The following KANK1 variants were observed in gnomAD, a reference collection of about 807,000 sequenced individuals.
KANK1 encodes KN motif and ankyrin repeat domain-containing protein 1.
In KANK1, 109 loss-of-function variants were observed where a neutral mutation model predicts 106.2. The observed-to-expected ratio is 1.03, with a 90% CI of 0.88 to 1.20. The LOEUF is 1.20. KANK1 is among the 50% of genes most tolerant of loss of function. The pLI is 0.00. For missense variants in KANK1, 2,399 were observed against 1,710.7 expected, an observed-to-expected ratio of 1.40 and a Z score of -7.10; for synonymous variants, 873 against 652.2, an observed-to-expected ratio of 1.34 and a Z score of -5.16.
At chr9:499,058 G>T (rs747756096) in intron 3 of KANK1, among the ~76,000 whole-genome samples, 1 of 151,770 alleles carries the variant, frequency 6.6e-6, no homozygotes, top group Non-Finnish European at 1.5e-5. Context: ...AGCGCCTGTA[G>T]TCCCAGCTAC....
At chr9:502,380 T>G (rs2058571420), upstream of KANK1, among the ~76,000 whole-genome samples, 1 of 152,176 alleles carries the variant, frequency 6.6e-6, no homozygotes, top group Non-Finnish European at 1.5e-5. Context: ...AAATTTCAAG[T>G]ATAAATCCAC....
At chr9:482,341 A>G (rs922353027) in intron 3 of KANK1, among the ~76,000 whole-genome samples, 1 of 152,164 alleles carries the variant, frequency 6.6e-6, no homozygotes, top group Non-Finnish European at 1.5e-5. Flanking sequence ...TCGGATTCGA[A>G]TTTGTCTTTA....
chr9:512,897 G>T (rs2059098298), intron 1 of KANK1, among the ~76,000 whole-genome samples: 1 of 151,906 alleles, frequency 6.6e-6, no homozygotes, highest in African/African-American at 2.4e-5. Context: ...TATTATTTTT[G>T]CCTTATTATT....
intron 8 of KANK1, among the ~76,000 whole-genome samples, chr9:739,913 T>G (rs7869715): frequency 0.52 from 78,504 of 151,844 alleles, 20,673 homozygotes; most frequent in Non-Finnish European, 0.57. Context: ...CTGCTTCTCC[T>G]CCACAGGGCC....
At chr9:641,171 G>A (rs1440000551) in intron 1 of KANK1, among the ~76,000 whole-genome samples, 5 of 152,212 alleles carry the variant, frequency 3.3e-5, no homozygotes, top group African/African-American at 1.2e-4. Context: ...AAGAAGCCCT[G>A]TGATGGTGAG....
intron 1 of KANK1, among the ~76,000 whole-genome samples, chr9:566,372 C>G (rs965536198): frequency 7.9e-5 from 12 of 152,038 alleles, no homozygotes; most frequent in Admixed American, 6.5e-4. Flanking sequence ...TGGTGTACAC[C>G]CAGTAATGGG....
At chr9:592,409 C>T (rs1484476722) in intron 1 of KANK1, among the ~76,000 whole-genome samples, 1 of 151,824 alleles carries the variant, frequency 6.6e-6, no homozygotes, top group Admixed American at 6.5e-5. Flanking sequence ...TACATCCATA[C>T]TGAATAAATG....
intron 5 of KANK1, chr9:731,925 A>C (rs1413873622): frequency 6.3e-6 from 1 of 157,548 alleles, no homozygotes; most frequent in African/African-American, 2.4e-5. Flanking sequence ...CAAATCTAGA[A>C]GTTTTATTCA....
chr9:583,500 G>T (rs1163910733), intron 1 of KANK1, among the ~76,000 whole-genome samples: 1 of 151,942 alleles, frequency 6.6e-6, no homozygotes, highest in Non-Finnish European at 1.5e-5. Context: ...CTGGGGAAAC[G>T]AATTGTAATA....
rs1299633035 is a variant in KANK1 at position 676,870 on chromosome 9, G to T, written c.-83-20G>T. ...TTTTTTAAATGATCCATTTTGATGG[G>T]GCTCTCTTTATTGTTTCAGGTTGAA... On this transcript the variant is annotated intron_variant, in intron 1 of 11. Transcript: ENST00000382297. 2 of 826,124 alleles carry T rather than the reference G, an allele frequency of 2.4e-6. No homozygotes were observed. Among genetic ancestry groups the T allele is most frequent in the Admixed American group, 2.1e-5 (1 of 46,808 alleles). The allele number at this position is 826,124 out of a possible 1,614,324, so 51.2% of individuals were successfully genotyped here. A position where few individuals can be genotyped will look rare whatever the true frequency, so the allele number is the denominator to read the frequency against.
At chr9:657,417 G>C (rs1842388472) in intron 1 of KANK1, among the ~76,000 whole-genome samples, 1 of 152,098 alleles carries the variant, frequency 6.6e-6, no homozygotes, top group Admixed American at 6.5e-5. Flanking sequence ...TCTCATGGTA[G>C]TTCTATTTCT....
At chr9:580,447 C>T (rs1010761179) in intron 1 of KANK1, among the ~76,000 whole-genome samples, 5 of 152,126 alleles carry the variant, frequency 3.3e-5, no homozygotes, top group African/African-American at 1.2e-4. Context: ...TCTGGCCCCA[C>T]CCACATCCTG....
At position 647,648 on chromosome 9, in the gene KANK1, A is replaced by G. The variant is rs1032680306; in HGVS notation, c.-83-29242A>G. Among the ~76,000 whole-genome samples the G allele has an allele frequency of 6.6e-5, 10 of 150,806 alleles. 1 individual carries two copies. Among genetic ancestry groups the G allele is most frequent in the Non-Finnish European group, 1.0e-4 (7 of 68,034 alleles). ...AGTATCCATAGTGTCAAATGAGGGG[A>G]AACATTGTAACAATGTTAGGAGCCA... On this transcript the variant is annotated intron_variant, in intron 1 of 11. Coordinates refer to ENST00000382297, the MANE Select transcript of KANK1 (RefSeq NM_015158.5).
intron 1 of KANK1, among the ~76,000 whole-genome samples, chr9:671,367 C>T (rs1234989137): frequency 6.6e-6 from 1 of 151,578 alleles, no homozygotes; most frequent in Non-Finnish European, 1.5e-5. Context: ...GTACTGGGGC[C>T]GGGCGCGGTG....
Position 742,271 on chromosome 9 carries a change from G to C in KANK1, c.3763G>C (p.Ala1255Pro). The change falls in exon 10 of 12, where the codon GCC (alanine) becomes CCC (proline). Residue 1255 changes from alanine to proline, a missense_variant. Ala to Pro is a conservative substitution (Grantham distance 27). Transcript: ENST00000382297. ...GRIDMVKGLL[A>P]CGADVNIQDD... Reference sequence around the variant, plus strand: ...GATAGACATGGTGAAGGGCCTTCTGGCCTGTGGGGCTGATGTCAACATCCA... The same window carrying C: ...GATAGACATGGTGAAGGGCCTTCTGCCCTGTGGGGCTGATGTCAACATCCA... 2.5e-6 allele frequency: 4 copies of C among 1,614,192 alleles called. No individual in the cohort carries two copies. The South Asian group carries it at 3.3e-5, about 13-fold the overall frequency.
At chr9:551,120 T>C (rs931335053) in intron 1 of KANK1, among the ~76,000 whole-genome samples, 1 of 151,878 alleles carries the variant, frequency 6.6e-6, no homozygotes, top group Non-Finnish European at 1.5e-5. Context: ...TAATACAACA[T>C]GTGTGGCTCA....
At chr9:652,673 A>T (rs1435351045) in intron 1 of KANK1, among the ~76,000 whole-genome samples, 1 of 152,246 alleles carries the variant, frequency 6.6e-6, no homozygotes, top group African/African-American at 2.4e-5. Context: ...CTATAATATG[A>T]AGTTAAAAGT....
chr9:536,243 A>C (rs951083801), intron 1 of KANK1, among the ~76,000 whole-genome samples: 2 of 152,206 alleles, frequency 1.3e-5, no homozygotes, highest in Non-Finnish European at 2.9e-5. Context: ...CGGGAAGCTG[A>C]GGCAAGAGAA....
chr9:511,844 C>T (rs987467115), intron 1 of KANK1, among the ~76,000 whole-genome samples: 3 of 152,044 alleles, frequency 2.0e-5, no homozygotes. Context: ...TAGCAAATTA[C>T]CCCCCAAAAT....
Sources: gnomAD v4.1 joint callset for allele counts (sites outside exome capture counted in the v4.1 genomes callset) on GRCh38, gnomAD v4.1.1 for gene constraint, MANE v1.5 for transcripts, NCBI Gene and HGNC (gene_info 2026-07-23, HGNC 2026-07-21) for gene names.